MTCL1: variants seen among roughly 807,000 people sequenced by gnomAD.
MTCL1 encodes the protein microtubule crosslinking factor 1.
In MTCL1, 79 loss-of-function variants were observed where a neutral mutation model predicts 141.4. The observed-to-expected ratio is 0.56, with a 90% CI of 0.47 to 0.67. The LOEUF (loss-of-function observed/expected upper bound fraction) is 0.67. MTCL1 is among the 30% of genes least tolerant of loss of function. MTCL1 has a pLI of 0.00. For missense variants in MTCL1, 2,177 were observed against 2,113.9 expected (o/e 1.03, Z -0.59); for synonymous variants, 914 against 875.8 (o/e 1.04, Z -0.77).
chr18:8,725,202 C>G (rs957819236), intron 4 of MTCL1, among the ~76,000 whole-genome samples: 16 of 152,116 alleles, frequency 1.1e-4, no homozygotes, highest in Non-Finnish European at 2.9e-5. Flanking sequence ...TATACATGTT[C>G]TAGATCATTC....
At position 8,788,741 on chromosome 18, in the gene MTCL1, C is replaced by A. The variant is rs563910136; in HGVS notation, c.1887+2650C>A. On this transcript the variant is annotated intron_variant, in intron 7 of 16. Coordinates refer to ENST00000359865, the Ensembl canonical transcript of MTCL1. ...TGGGAAAGGGGCGGCCTCTCCAAGGCCGGCATTCTTATAAACAGCCACAGC... is the reference window on the plus strand; with the variant it reads ...TGGGAAAGGGGCGGCCTCTCCAAGGACGGCATTCTTATAAACAGCCACAGC... 9.8e-5 allele frequency among the ~76,000 whole-genome samples: 15 copies of A among 152,328 alleles called. No individual in the cohort carries two copies. The South Asian group carries it at 3.1e-3, about 32-fold the overall frequency.
intron 9 of MTCL1, 59 bp downstream of exon 8, chr18:8,796,521 T>C (rs2075926349): frequency 1.3e-6 from 2 of 1,515,914 alleles, no homozygotes; most frequent in East Asian, 2.3e-5. Flanking sequence ...CCCCAGACAC[T>C]GCTTTCTCCT....
At chr18:8,825,602 C>T (rs1598825494) in exon 15 of MTCL1, 1 of 1,613,656 alleles carries the variant, frequency 6.2e-7, no homozygotes, top group African/African-American at 1.3e-5. Flanking sequence ...CTTCCCGGAG[C>T]CTTAGGAGCA....
chr18:8,824,705 G>A (rs1353848954), exon 15 of MTCL1: 1 of 1,610,406 alleles, frequency 6.2e-7, no homozygotes, highest in African/African-American at 1.3e-5. Context: ...CCAGGGCGGT[G>A]TCCGTGTCCT....
chr18:8,799,498 G>A (rs1236039169), intron 10 of MTCL1, among the ~76,000 whole-genome samples: 1 of 152,226 alleles, frequency 6.6e-6, no homozygotes, highest in Non-Finnish European at 1.5e-5. Flanking sequence ...CATTATGCCA[G>A]TGTCCATGGG....
chr18:8,800,211 C>T lies in MTCL1; in HGVS notation c.2436+1920C>T, dbSNP rs549455583. Among the ~76,000 whole-genome samples, 147 of 152,320 alleles carry T rather than the reference C, an allele frequency of 9.7e-4. 1 individual carries two copies. Among genetic ancestry groups the T allele is most frequent in the South Asian group, 1.9e-3 (9 of 4,822 alleles). ...GAGTATTAGCCAGGCAGCTGGGATG[C>T]AAGAGCCAGGGTACGTGTCTCACAG... On this transcript the variant is annotated intron_variant, in intron 10 of 16. Coordinates refer to ENST00000359865, the Ensembl canonical transcript of MTCL1.
chr18:8,831,475 G>A, intron 16 of MTCL1, 132 bp from the exon 15 acceptor site: 1 of 1,447,794 alleles, frequency 6.9e-7, no homozygotes, highest in Non-Finnish European at 9.1e-7. Context: ...ATAGAAAGTA[G>A]TTAATATTCA....
intron 4 of MTCL1, among the ~76,000 whole-genome samples, chr18:8,749,918 A>G (rs546667852): frequency 1.3e-5 from 2 of 152,330 alleles, no homozygotes; most frequent in African/African-American, 4.8e-5. Context: ...TTGCTCTAAG[A>G]GTAACTTTAC....
chr18:8,818,959 C>T lies in MTCL1; in HGVS notation c.2860-4C>T. 1 of 1,597,166 alleles carries T rather than the reference C, an allele frequency of 6.3e-7. No homozygotes were observed. The highest frequency in any genetic ancestry group is 8.6e-7 in the Non-Finnish European group (1 of 1,168,818). ...TAATTATTTTCATTTTTAAAATTCT[C>T]AAGTTGCAGAAAGAGAACAGTCCCC... is the stretch of plus-strand genomic sequence containing the variant. On this transcript the variant is annotated splice_region_variant and splice_polypyrimidine_tract_variant and intron_variant, in intron 12 of 16. Transcript: ENST00000359865.
chr18:8,742,980 T>G (rs1171046017), intron 4 of MTCL1, among the ~76,000 whole-genome samples: 1 of 152,248 alleles, frequency 6.6e-6, no homozygotes, highest in Non-Finnish European at 1.5e-5. Context: ...TACTGTTGCT[T>G]TTCTACTTAT....
intron 1 of MTCL1, chr18:8,707,732 G>A (rs1226749089): frequency 6.6e-6 from 1 of 152,338 alleles, no homozygotes; most frequent in East Asian, 1.9e-4. Flanking sequence ...AGTGGGTTAT[G>A]TGATTTGAGC....
In MTCL1 at chr18:8,705,721, G is replaced by A. The variant is rs1441192409; in HGVS notation, c.61G>A (p.Gly21Ser). The A allele has an allele frequency of 1.7e-6, 2 of 1,205,116 alleles. No individual in the cohort carries two copies. Among genetic ancestry groups the A allele is most frequent in the African/African-American group, 1.6e-5 (1 of 63,110 alleles). The allele number at this position is 1,205,116 out of a possible 1,614,324, so 74.7% of individuals were successfully genotyped here. A position where few individuals can be genotyped will look rare whatever the true frequency, so the allele number is the denominator to read the frequency against. The change falls in exon 1 of 14, where the codon GGC becomes AGC. Residue 21 changes from glycine (G) to serine (S), a missense_variant. Physicochemically the swap from Gly to Ser is moderately conservative, Grantham distance 56. Transcript: ENST00000306329. This position sits in a 1 kb window ranked among gnomAD's most constrained non-coding sequence, Gnocchi z 5.2. ...CCCGGACGCGAAGCTGCAGCCGCCCGGCCAGCACCACCGCCACCACCACCT... is the reference window on the plus strand; with the variant it reads ...CCCGGACGCGAAGCTGCAGCCGCCCAGCCAGCACCACCGCCACCACCACCT...
At chr18:8,786,112 C>CCCCCA in intron 7 of MTCL1, 21 bp downstream of exon 6, 1 of 1,362,934 alleles carries the variant, frequency 7.3e-7, no homozygotes, top group Non-Finnish European at 9.6e-7. Context: ...GCAAGCAATC[C>CCCCCA]CCCCCCCCCG....
At chr18:8,815,885 G>T (rs939055656) in intron 12 of MTCL1, among the ~76,000 whole-genome samples, 2 of 152,148 alleles carry the variant, frequency 1.3e-5, no homozygotes, top group African/African-American at 4.8e-5. Context: ...TCTGTGTGAT[G>T]GATCCCACAG....
rs2096433819 is a variant in MTCL1, at chr18:8,761,779, C to T, written c.358-16054C>T. On this transcript the variant is annotated intron_variant, in intron 4 of 16. Transcript: ENST00000359865. ...TCCCCTTTATAAAACCATCACATTT[C>T]GTGAGACTTATTCATTATCACGAGA... Among the ~76,000 whole-genome samples, 10 of 152,274 alleles carry T rather than the reference C, an allele frequency of 6.6e-5. No individual in the cohort carries two copies. The South Asian group carries it at 1.9e-3, about 28-fold the overall frequency.
At chr18:8,766,313 C>T (rs1329327266) in intron 4 of MTCL1, among the ~76,000 whole-genome samples, 1 of 138,970 alleles carries the variant, frequency 7.2e-6, no homozygotes. Flanking sequence ...ATCCACCGAG[C>T]TCCCCACTAG....
At chr18:8,788,051 C>T (rs538972112) in intron 7 of MTCL1, among the ~76,000 whole-genome samples, 33 of 152,146 alleles carry the variant, frequency 2.2e-4, no homozygotes, top group Non-Finnish European at 3.7e-4. Context: ...TGAGAATATC[C>T]CTGAATTTGC....
chr18:8,804,358 C>T (rs564020629), intron 10 of MTCL1, among the ~76,000 whole-genome samples: 5 of 151,130 alleles, frequency 3.3e-5, no homozygotes, highest in South Asian at 4.2e-4. Flanking sequence ...TGGGTTCAAG[C>T]GATCCTCCCA....
chr18:8,778,748 CAG>C (rs1393092388), intron 5 of MTCL1, among the ~76,000 whole-genome samples: 1 of 152,242 alleles, frequency 6.6e-6, no homozygotes, highest in African/African-American at 2.4e-5. Flanking sequence ...CCATTAATAA[CAG>C]GGAAATTAAA....
Sources: gnomAD v4.1 joint callset for allele counts (sites outside exome capture counted in the v4.1 genomes callset) on GRCh38, gnomAD v4.1.1 for gene constraint, Gnocchi (gnomAD v3.1) non-coding constraint, MANE v1.5 for transcripts, NCBI Gene and HGNC (gene_info 2026-07-23, HGNC 2026-07-21) for gene names.